The following ABTB3 variants were observed in gnomAD, a reference collection of about 807,000 sequenced individuals.
ABTB3 encodes ankyrin repeat- and BTB/POZ domain-containing protein 3.
At chr12:107,446,989 G>T in the ABTB3 span, among the ~76,000 whole-genome samples, 2 of 152,204 alleles carry the variant, frequency 1.3e-5, no homozygotes, top group East Asian at 1.9e-4. Context: ...TCTTTGAAAG[G>T]TTATCACCCA....
chr12:107,544,148 T>C, the ABTB3 span: 1 of 1,611,620 alleles, frequency 6.2e-7, no homozygotes, highest in African/African-American at 1.3e-5. Context: ...AGGTAAGAAC[T>C]GCCTTGCCTT....
At chr12:107,349,725 C>T in the ABTB3 span, among the ~76,000 whole-genome samples, 1 of 152,110 alleles carries the variant, frequency 6.6e-6, no homozygotes, top group East Asian at 1.9e-4. Context: ...TAGTATGTCC[C>T]AAGTATTGCA....
chr12:107,399,708 T>G, the ABTB3 span, among the ~76,000 whole-genome samples: 1 of 152,350 alleles, frequency 6.6e-6, no homozygotes, highest in East Asian at 1.9e-4. Context: ...TCTGGCTACA[T>G]GTGCAGAATG....
chr12:107,581,245 C>T, the ABTB3 span: 7 of 1,523,208 alleles, frequency 4.6e-6, no homozygotes, highest in Non-Finnish European at 6.1e-6. Context: ...ACAGCGACGA[C>T]GTCCGCCAGG....
At chr12:107,577,598 T>C in the ABTB3 span, among the ~76,000 whole-genome samples, 13 of 152,206 alleles carry the variant, frequency 8.5e-5, no homozygotes, top group African/African-American at 2.6e-4. Context: ...AGGAAGCCCA[T>C]CAAGGCTTTC....
the ABTB3 span, among the ~76,000 whole-genome samples, chr12:107,501,097 T>C: frequency 2.1e-4 from 32 of 152,202 alleles, no homozygotes; most frequent in South Asian, 2.1e-4. Context: ...ACAGCAACAA[T>C]AATAATAATA....
At chr12:107,586,225 T>C in the ABTB3 span, among the ~76,000 whole-genome samples, 1 of 152,098 alleles carries the variant, frequency 6.6e-6, no homozygotes, top group Non-Finnish European at 1.5e-5. Flanking sequence ...TGGCTTTCCA[T>C]AAGCCAACTA....
At chr12:107,505,767 T>A in the ABTB3 span, among the ~76,000 whole-genome samples, 1 of 152,166 alleles carries the variant, frequency 6.6e-6, no homozygotes. Flanking sequence ...CTCCCACTTA[T>A]AAAGTGAGAA....
the ABTB3 span, among the ~76,000 whole-genome samples, chr12:107,456,166 T>C: frequency 6.6e-6 from 1 of 152,228 alleles, no homozygotes; most frequent in Non-Finnish European, 1.5e-5. Context: ...TCCTGACAGC[T>C]TACCCGCTGA....
chr12:107,613,014 G>A, the ABTB3 span: 15 of 772,102 alleles, frequency 1.9e-5, no homozygotes, highest in Admixed American at 1.6e-4. Flanking sequence ...TTTAGTTGCT[G>A]TGGCCCTGGT....
At chr12:107,340,059 G>A in the ABTB3 span, among the ~76,000 whole-genome samples, 3 of 151,464 alleles carry the variant, frequency 2.0e-5, no homozygotes, top group Admixed American at 6.6e-5. Context: ...CATCTAACCA[G>A]ACTTTTTTTT....
At chr12:107,350,545 C>CA in the ABTB3 span, among the ~76,000 whole-genome samples, 2,043 of 126,550 alleles carry the variant, frequency 0.016, 27 homozygotes, top group African/African-American at 0.046. Context: ...GAGTCCGTCT[C>CA]AAAAAAAAAA....
chr12:107,400,713 C>A, the ABTB3 span, among the ~76,000 whole-genome samples: 2 of 151,952 alleles, frequency 1.3e-5, no homozygotes, highest in African/African-American at 4.8e-5. Context: ...TTTAGGGACA[C>A]GCAAAGTATA....
the ABTB3 span, among the ~76,000 whole-genome samples, chr12:107,535,085 A>G: frequency 6.6e-6 from 1 of 152,176 alleles, no homozygotes; most frequent in Non-Finnish European, 1.5e-5. Flanking sequence ...TCAGAAACAT[A>G]ATACATCGTA....
chr12:107,476,022 A>T, the ABTB3 span, among the ~76,000 whole-genome samples: 4 of 152,200 alleles, frequency 2.6e-5, no homozygotes, highest in Non-Finnish European at 4.4e-5. Context: ...TCACACTTCC[A>T]TAGAATGCAG....
the ABTB3 span, among the ~76,000 whole-genome samples, chr12:107,437,451 C>G: frequency 1.3e-5 from 2 of 150,866 alleles, no homozygotes; most frequent in Non-Finnish European, 2.9e-5. Context: ...GGCTGGAGTA[C>G]AGTGGCGTGA....
At chr12:107,588,928 G>T in the ABTB3 span, among the ~76,000 whole-genome samples, 7 of 152,292 alleles carry the variant, frequency 4.6e-5, no homozygotes, top group Middle Eastern at 3.4e-3. Flanking sequence ...TCCAGCATCT[G>T]CTCAGAAAGG....
At chr12:107,414,158 A>G in the ABTB3 span, among the ~76,000 whole-genome samples, 1 of 152,162 alleles carries the variant, frequency 6.6e-6, no homozygotes, top group East Asian at 1.9e-4. Flanking sequence ...ACTGATTAGA[A>G]TCTCAGGGAT....
chr12:107,617,676 G>A, the ABTB3 span: 20 of 520,568 alleles, frequency 3.8e-5, no homozygotes, highest in Non-Finnish European at 1.3e-5. Flanking sequence ...TAAACTCACA[G>A]AGAGACATCA....
Sources: allele counts gnomAD v4.1 joint callset (sites outside exome capture counted in the v4.1 genomes callset), GRCh38; gene constraint gnomAD v4.1.1; transcripts MANE v1.5; gene names NCBI Gene and HGNC (gene_info 2026-07-23, HGNC 2026-07-21).